The following PRKG1 variants were observed in gnomAD, a reference collection of about 807,000 sequenced individuals.
PRKG1 encodes cGMP-dependent protein kinase 1.
A neutral mutation model predicts 88.1 loss-of-function variants in PRKG1; 35 were observed. The observed-to-expected ratio is 0.40, with a 90% CI of 0.30 to 0.53. The LOEUF (loss-of-function observed/expected upper bound fraction) is 0.53. Ranked by LOEUF, PRKG1 falls within the 20% of genes least tolerant of loss-of-function variation. The pLI, the probability that PRKG1 is intolerant of heterozygous loss-of-function variation, is 0.59. For synonymous variants in PRKG1, 303 were observed against 292.5 expected (o/e 1.04, Z -0.37); for missense variants, 540 against 839.8 (o/e 0.64, Z 4.41).
intron 7 of PRKG1, among the ~76,000 whole-genome samples, chr10:52,120,903 C>A (rs1419187755): frequency 6.6e-6 from 1 of 152,166 alleles, no homozygotes; most frequent in Non-Finnish European, 1.5e-5. Flanking sequence ...GCCTCTGTGA[C>A]AAGTTTCTGC....
intron 5 of PRKG1, among the ~76,000 whole-genome samples, chr10:52,045,880 G>A (rs748565573): frequency 4.6e-5 from 7 of 152,004 alleles, no homozygotes; most frequent in Non-Finnish European, 1.0e-4. Context: ...GGTTCTTGCA[G>A]GGAGGAGAAA....
At chr10:52,161,167 T>C (rs1838265915) in intron 8 of PRKG1, among the ~76,000 whole-genome samples, 1 of 152,076 alleles carries the variant, frequency 6.6e-6, no homozygotes, top group African/African-American at 2.4e-5. Flanking sequence ...GTTGGCGCTA[T>C]AATATTTACA....
intron 2 of PRKG1, among the ~76,000 whole-genome samples, chr10:51,338,354 C>T (rs565179978): frequency 1.4e-4 from 22 of 152,264 alleles, no homozygotes; most frequent in African/African-American, 5.3e-4. Context: ...ATCACCATGG[C>T]ACACATTTAC....
intron 2 of PRKG1, among the ~76,000 whole-genome samples, chr10:51,277,954 C>T (rs1372160197): frequency 1.3e-5 from 2 of 152,158 alleles, no homozygotes; most frequent in Non-Finnish European, 2.9e-5. Flanking sequence ...TTTCTTTCTC[C>T]TGCCTGATTG....
intron 2 of PRKG1, among the ~76,000 whole-genome samples, chr10:51,310,079 T>C (rs1310798259): frequency 1.3e-5 from 2 of 152,122 alleles, no homozygotes; most frequent in African/African-American, 4.8e-5. Context: ...ATAATAGGCA[T>C]TGGAGACTAA....
chr10:51,600,413 A>G (rs910749648), intron 3 of PRKG1, among the ~76,000 whole-genome samples: 13 of 152,166 alleles, frequency 8.5e-5, no homozygotes, highest in African/African-American at 2.9e-4. Context: ...CTTTTCTTCT[A>G]TTATTAACTC....
chr10:52,216,049 C>T (rs1180435552), intron 9 of PRKG1, among the ~76,000 whole-genome samples: 1 of 152,100 alleles, frequency 6.6e-6, no homozygotes, highest in Non-Finnish European at 1.5e-5. Context: ...ACCCAGAGAC[C>T]CTGAGGCTAT....
At chr10:51,098,315 T>A (rs764111474) in intron 1 of PRKG1, among the ~76,000 whole-genome samples, 5 of 152,194 alleles carry the variant, frequency 3.3e-5, no homozygotes, top group Non-Finnish European at 5.9e-5. Flanking sequence ...AAAGCATAGT[T>A]GTGAGGATTA....
Position 51,802,380 on chromosome 10 carries a change from G to A in PRKG1, c.593-2205G>A, listed in dbSNP as rs79750819. The stretch of plus-strand genomic sequence containing the variant: ...AGTTTTACCTAGAGACATTTAAATA[G>A]CCCATGTAAACAGGAACCAAAAAGT... On this transcript the variant is annotated intron_variant, in intron 3 of 17. Coordinates refer to ENST00000373980, the MANE Select transcript of PRKG1 (RefSeq NM_006258.4). Among the ~76,000 whole-genome samples the A allele has an allele frequency of 6.6e-3, 1,000 of 152,188 alleles. 4 individuals are homozygous for A. The highest frequency in any genetic ancestry group is 0.01 in the Middle Eastern group (3 of 294).
chr10:52,131,930 T>C (rs1837277624), intron 7 of PRKG1, among the ~76,000 whole-genome samples: 1 of 147,020 alleles, frequency 6.8e-6, no homozygotes, highest in Non-Finnish European at 1.5e-5. Flanking sequence ...ATAACAAAAA[T>C]TTTAGAGTTA....
intron 3 of PRKG1, among the ~76,000 whole-genome samples, chr10:51,636,585 A>G (rs2132289853): frequency 1.3e-5 from 2 of 152,234 alleles, no homozygotes; most frequent in Middle Eastern, 3.4e-3. Context: ...AGGCCACCCT[A>G]AGAGCTTGAA....
chr10:52,230,077 G>A (rs373699331), intron 9 of PRKG1, among the ~76,000 whole-genome samples: 1 of 152,088 alleles, frequency 6.6e-6, no homozygotes, highest in South Asian at 2.1e-4. Context: ...AAGTTTACCA[G>A]GACCAACATA....
At chr10:52,119,986 TGAGACAGA>T (rs1847779779) in intron 7 of PRKG1, among the ~76,000 whole-genome samples, 1 of 138,408 alleles carries the variant, frequency 7.2e-6, no homozygotes, top group African/African-American at 2.7e-5. Flanking sequence ...AGAGGGAAAG[TGAGACAGA>T]GAGAGAGAGA....
chr10:51,948,075 A>G (rs905242597), intron 5 of PRKG1, among the ~76,000 whole-genome samples: 8 of 152,098 alleles, frequency 5.3e-5, no homozygotes, highest in African/African-American at 1.9e-4. Flanking sequence ...TTTTCATTAT[A>G]TATTTTTGAT....
chr10:52,014,624 G>A lies in PRKG1; in HGVS notation c.763-39860G>A, dbSNP rs72801487. The stretch of plus-strand genomic sequence containing the variant: ...CCCCAAAGTCTTAACTCTTTCCAGC[G>A]TTAACTCAAATGTCCAAGTTTGAAG... On this transcript the variant is annotated intron_variant, in intron 5 of 17. Transcript: ENST00000373980. Among the ~76,000 whole-genome samples, 584 of 152,208 alleles carry A rather than the reference G, an allele frequency of 3.8e-3. 4 individuals carry two copies. Among genetic ancestry groups the A allele is most frequent in the Non-Finnish European group, 5.1e-3 (347 of 67,998 alleles).
chr10:51,840,023 T>C (rs1840230870), intron 4 of PRKG1, among the ~76,000 whole-genome samples: 1 of 152,212 alleles, frequency 6.6e-6, no homozygotes, highest in Non-Finnish European at 1.5e-5. Flanking sequence ...TTAATTTAGA[T>C]CAGCAGTTCA....
chr10:51,342,815 A>T (rs1263446336), intron 2 of PRKG1, among the ~76,000 whole-genome samples: 1 of 152,252 alleles, frequency 6.6e-6, no homozygotes, highest in African/African-American at 2.4e-5. Flanking sequence ...AGACAGCAAT[A>T]TGAAGAATAA....
intron 3 of PRKG1, among the ~76,000 whole-genome samples, chr10:51,797,253 T>A (rs1208347576): frequency 6.6e-6 from 1 of 150,602 alleles, no homozygotes; most frequent in Non-Finnish European, 1.5e-5. Context: ...TTTATTTAGT[T>A]ATCTAGCCAA....
At chr10:52,067,850 A>T (rs1277989236) in intron 7 of PRKG1, among the ~76,000 whole-genome samples, 1 of 152,050 alleles carries the variant, frequency 6.6e-6, no homozygotes, top group Admixed American at 6.5e-5. Flanking sequence ...CAATCACTTC[A>T]CGTTTAGTTC....
Sources: gnomAD v4.1 joint callset for allele counts (sites outside exome capture counted in the v4.1 genomes callset) on GRCh38, gnomAD v4.1.1 for gene constraint, MANE v1.5 for transcripts, NCBI Gene and HGNC (gene_info 2026-07-23, HGNC 2026-07-21) for gene names.